The following DACH2 variants were observed in gnomAD, a reference collection of about 807,000 sequenced individuals.
DACH2 encodes the protein dachshund homolog 2.
Under a neutral mutation model 35.8 loss-of-function variants are expected in DACH2, and 17 were observed. That is an observed-to-expected ratio of 0.48 (90% CI 0.33 to 0.71). The LOEUF is 0.71. DACH2 is among the 30% of genes least tolerant of loss of function. DACH2 has a pLI of 0.02. For missense variants in DACH2, 469 were observed against 472.7 expected (o/e 0.99, Z 0.07); for synonymous variants, 195 against 177.3 (o/e 1.10, Z -0.79).
intron 7 of DACH2, among the ~76,000 whole-genome samples, chrX:86,793,918 A>T (rs1432277860): frequency 8.9e-6 from 1 of 112,382 alleles, no homozygotes; most frequent in Non-Finnish European, 1.9e-5. Flanking sequence ...ACTAGCACAC[A>T]AAGTGCATTG....
chrX:86,384,036 G>T (rs969469734), intron 2 of DACH2, among the ~76,000 whole-genome samples: 2 of 111,141 alleles, frequency 1.8e-5, no homozygotes, highest in Non-Finnish European at 3.8e-5. Flanking sequence ...ATGTTCAGGT[G>T]AAGTCTGTCG....
chrX:86,705,063 A>ATATATCTCACATTTATATATATC (rs59432076), intron 5 of DACH2, among the ~76,000 whole-genome samples: 1 of 104,658 alleles, frequency 9.6e-6, no homozygotes, highest in Non-Finnish European at 1.9e-5. Context: ...ATATATATAT[A>ATATATCTCACATTTATATATATC]TATCTCACAT....
chrX:86,805,980 G>T (rs2042340831), intron 7 of DACH2, among the ~76,000 whole-genome samples: 1 of 111,072 alleles, frequency 9.0e-6, no homozygotes, highest in South Asian at 3.8e-4. Context: ...TCATCTTCCT[G>T]TCTTTGACCT....
intron 2 of DACH2, among the ~76,000 whole-genome samples, chrX:86,438,215 G>A (rs771324696): frequency 5.1e-5 from 5 of 97,539 alleles, no homozygotes; most frequent in Middle Eastern, 5.2e-3. Context: ...ACATGATCTC[G>A]TAGGTTTTTT....
chrX:86,335,386 A>G (rs889015960), intron 1 of DACH2, among the ~76,000 whole-genome samples: 1 of 112,198 alleles, frequency 8.9e-6, no homozygotes, highest in African/African-American at 3.2e-5. Context: ...TATCCATAAC[A>G]TGAAATGTTT....
intron 3 of DACH2, among the ~76,000 whole-genome samples, chrX:86,610,707 C>A (rs2039933003): frequency 9.0e-6 from 1 of 110,542 alleles, no homozygotes; most frequent in South Asian, 3.8e-4. Flanking sequence ...CTCAGCCTCA[C>A]AATTGCTGGG....
chrX:86,509,743 GA>G (rs777739489), intron 2 of DACH2, among the ~76,000 whole-genome samples: 5 of 112,024 alleles, frequency 4.5e-5, no homozygotes, highest in Non-Finnish European at 9.4e-5. Context: ...CGTGCACATT[GA>G]AATTCAGAGC....
intron 3 of DACH2, among the ~76,000 whole-genome samples, chrX:86,523,199 T>C (rs1206501779): frequency 8.9e-6 from 1 of 111,806 alleles, no homozygotes; most frequent in East Asian, 2.8e-4. Flanking sequence ...TCAGCAATAG[T>C]ACCTACAGCA....
At chrX:86,281,646 G>A (rs1055690691) in intron 1 of DACH2, among the ~76,000 whole-genome samples, 2 of 111,309 alleles carry the variant, frequency 1.8e-5, no homozygotes, top group Non-Finnish European at 3.8e-5. Flanking sequence ...GGAAGATCCG[G>A]CCAGGGCAAT....
chrX:86,491,181 A>T (rs1468476790), intron 2 of DACH2, among the ~76,000 whole-genome samples: 2 of 112,036 alleles, frequency 1.8e-5, no homozygotes, highest in African/African-American at 6.5e-5. Context: ...AATGTGAAAA[A>T]TTCAGTCTGT....
chrX:86,335,045 G>C (rs901237670), intron 1 of DACH2, among the ~76,000 whole-genome samples: 10 of 111,532 alleles, frequency 9.0e-5, no homozygotes, highest in African/African-American at 3.3e-4. Context: ...TTTTGATCAG[G>C]TTTGTCAAAG....
At chrX:86,677,546 A>G (rs887353843) in intron 4 of DACH2, among the ~76,000 whole-genome samples, 20 of 112,110 alleles carry the variant, frequency 1.8e-4, no homozygotes, top group Admixed American at 4.8e-4. Context: ...CAACAACTGA[A>G]AGCAAGGAAT....
intron 3 of DACH2, among the ~76,000 whole-genome samples, chrX:86,519,153 T>C (rs1034907712): frequency 8.9e-6 from 1 of 112,272 alleles, no homozygotes; most frequent in African/African-American, 3.2e-5. Context: ...ATTGAGATAA[T>C]CATGTGGTTT....
At chrX:86,382,502 A>ACG (rs1162204539) in intron 2 of DACH2, among the ~76,000 whole-genome samples, 1 of 107,419 alleles carries the variant, frequency 9.3e-6, no homozygotes, top group Non-Finnish European at 1.9e-5. Flanking sequence ...ACACACACAC[A>ACG]CACGTCCTCT....
intron 1 of DACH2, among the ~76,000 whole-genome samples, chrX:86,315,788 G>A (rs908343062): frequency 5.1e-5 from 4 of 78,502 alleles, no homozygotes; most frequent in Non-Finnish European, 7.2e-5. Flanking sequence ...GAGGGTCGTG[G>A]ACACACACAC....
intron 1 of DACH2, among the ~76,000 whole-genome samples, chrX:86,299,658 G>A (rs954541333): frequency 5.4e-5 from 6 of 111,495 alleles, no homozygotes; most frequent in Non-Finnish European, 7.5e-5. Flanking sequence ...ATTCTGAGAA[G>A]TCTCAGGTTT....
chrX:86,400,573 C>G (rs993647622), intron 2 of DACH2, among the ~76,000 whole-genome samples: 1 of 111,755 alleles, frequency 8.9e-6, no homozygotes, highest in African/African-American at 3.3e-5. Flanking sequence ...GATGTCCTTT[C>G]TCTTTGTTAG....
intron 1 of DACH2, among the ~76,000 whole-genome samples, chrX:86,201,297 G>A (rs944604344): frequency 1.9e-5 from 2 of 105,534 alleles, no homozygotes; most frequent in African/African-American, 6.9e-5. Context: ...AGGGGGGTGG[G>A]TGGGAGGAGG....
At chrX:86,395,857 T>A (rs1256846978) in intron 2 of DACH2, among the ~76,000 whole-genome samples, 1 of 111,825 alleles carries the variant, frequency 8.9e-6, no homozygotes, top group East Asian at 2.8e-4. Context: ...TACGTGTGCA[T>A]GTGTCTTTAT....
Sources: allele counts gnomAD v4.1 joint callset (sites outside exome capture counted in the v4.1 genomes callset), GRCh38; gene constraint gnomAD v4.1.1; transcripts MANE v1.5; gene names NCBI Gene and HGNC (gene_info 2026-07-23, HGNC 2026-07-21).